Variants in NUP153 observed in about 807,000 individuals in gnomAD.
NUP153 encodes the protein nucleoporin 153.
In NUP153, 27 loss-of-function variants were observed where a neutral mutation model predicts 134.6. That is an observed-to-expected ratio of 0.20 (90% CI 0.15 to 0.28). The LOEUF (loss-of-function observed/expected upper bound fraction) is 0.28, where lower values mean the gene tolerates loss of function less well. NUP153 is among the 10% of genes least tolerant of loss of function. The probability of loss-of-function intolerance (pLI) is 1.00; values close to 1 mark genes in which losing one functional copy is unlikely to be tolerated. For synonymous variants in NUP153, 640 were observed against 623.5 expected, an observed-to-expected ratio of 1.03 and a Z score of -0.40; for missense variants, 1,821 against 1,731.3, an observed-to-expected ratio of 1.05 and a Z score of -0.92.
chr6:17,624,857 A>G, intron 19 of NUP153, 24 bp from the exon 20 acceptor site: 1 of 1,550,904 alleles, frequency 6.4e-7, no homozygotes, highest in Non-Finnish European at 8.7e-7. Flanking sequence ...GAAACACTTA[A>G]GTCACCATGG....
At chr6:17,668,465 A>C (rs985442451) in intron 8 of NUP153, among the ~76,000 whole-genome samples, 4 of 151,212 alleles carry the variant, frequency 2.6e-5, no homozygotes, top group East Asian at 1.9e-4. Context: ...TGAATAGCCC[A>C]AAAAAAAATT....
At chr6:17,647,029 T>C (rs1460987749) in intron 13 of NUP153, among the ~76,000 whole-genome samples, 2 of 151,736 alleles carry the variant, frequency 1.3e-5, no homozygotes, top group African/African-American at 4.8e-5. Context: ...AGTGCTGGGA[T>C]TACAGGCATG....
intron 2 of NUP153, among the ~76,000 whole-genome samples, chr6:17,682,925 G>GAA (rs58196936): frequency 0.37 from 45,223 of 123,188 alleles, 8,601 homozygotes; most frequent in South Asian, 0.63. Context: ...CAAAAAAGAA[G>GAA]AAAAAAAAAA....
intron 16 of NUP153, among the ~76,000 whole-genome samples, chr6:17,634,212 C>T (rs980489227): frequency 3.3e-5 from 5 of 152,136 alleles, no homozygotes; most frequent in African/African-American, 4.8e-5. Flanking sequence ...TCTGAAGCAA[C>T]CAGTGCCATG....
chr6:17,653,935 G>A (rs1766655425), intron 11 of NUP153, among the ~76,000 whole-genome samples: 1 of 152,068 alleles, frequency 6.6e-6, no homozygotes, highest in Non-Finnish European at 1.5e-5. Flanking sequence ...TCTACTTCAC[G>A]CTATGTATGC....
At chr6:17,669,393 T>G in intron 6 of NUP153, 37 bp downstream of exon 6, 3 of 1,595,700 alleles carry the variant, frequency 1.9e-6, no homozygotes, top group Non-Finnish European at 1.7e-6. Flanking sequence ...TCAAGTTTTG[T>G]TACACTCCTG....
At chr6:17,678,789 TAA>T (rs1236413118) in intron 2 of NUP153, among the ~76,000 whole-genome samples, 2 of 151,160 alleles carry the variant, frequency 1.3e-5, no homozygotes, top group African/African-American at 4.9e-5. Flanking sequence ...ACTAAAAATT[TAA>T]AAAGTCAGCT....
chr6:17,665,439 A>T, intron 8 of NUP153, 54 bp from the exon 9 acceptor site: 1 of 1,462,592 alleles, frequency 6.8e-7, no homozygotes, highest in Non-Finnish European at 9.4e-7. Flanking sequence ...TCAATGATTC[A>T]TATCTAAATT....
rs201282375 is a variant in NUP153 at position 17,632,708 on chromosome 6, G to C, written c.2601C>G (p.Asp867Glu). Residue 867 changes from aspartate to glutamate, a missense_variant, in exon 17 of 22, where the codon GAC (aspartate) becomes GAG (glutamate). By Grantham distance (45) the Asp-to-Glu change is conservative. Coordinates refer to ENST00000262077, the MANE Select transcript of NUP153 (RefSeq NM_005124.4). ...CELCLVQNKA[D>E]STKCLACESA... ...TTTCACATGCCAAACATTTGGTAGA[G>C]TCTGCCTTATTCTGCACTAGGCACA... The C allele has an allele frequency of 3.3e-5, 54 of 1,613,358 alleles. No homozygotes were observed. Among genetic ancestry groups the C allele is most frequent in the Non-Finnish European group, 1.7e-6 (2 of 1,179,848 alleles).
intron 15 of NUP153, among the ~76,000 whole-genome samples, chr6:17,639,709 T>G (rs992905605): frequency 6.6e-6 from 1 of 152,206 alleles, no homozygotes; most frequent in East Asian, 1.9e-4. Flanking sequence ...TAATGGAGAA[T>G]CCATTTCCTC....
At position 17,638,747 on chromosome 6, in the gene NUP153, C is replaced by G. The variant is rs1765688440; in HGVS notation, c.1847-977G>C. Among the ~76,000 whole-genome samples, 1 of 152,172 alleles carries G rather than the reference C, an allele frequency of 6.6e-6. No individual in the cohort carries two copies. Among genetic ancestry groups the G allele is most frequent in the African/African-American group, 2.4e-5 (1 of 41,440 alleles). On this transcript the variant is annotated intron_variant, in intron 15 of 21. Coordinates refer to ENST00000262077, the MANE Select transcript of NUP153 (RefSeq NM_005124.4). This position sits in a 1 kb window ranked among gnomAD's most constrained non-coding sequence, Gnocchi z 4.0. ...CAGGGGGAGGTTGGCATCATGAATG[C>G]AAAGTGTAACCCCAGATACACAAGA...
rs372772287 is a variant in NUP153 at position 17,616,691 on chromosome 6, C to T, written c.4179G>A (p.Ser1393=). 43 of 1,611,030 alleles carry T rather than the reference C, an allele frequency of 2.7e-5. No individual in the cohort carries two copies. Among genetic ancestry groups the T allele is most frequent in the East Asian group, 6.7e-5 (3 of 44,796 alleles). Residue 1393 remains serine, a synonymous_variant, in exon 21 of 22, where the codon TCG becomes TCA. Coordinates refer to ENST00000262077, the MANE Select transcript of NUP153 (RefSeq NM_005124.4). ...TAGTGCTGCTGCCAAACTGGAAAGC[C>T]GAACCTGCAATAGTTAAAGCAGAAA... The part of the protein sequence containing the change: ...FGSGTTPNSS[S]AFQFGSSTTN...
At position 17,625,744 on chromosome 6, in the gene NUP153, G is replaced by A; in HGVS notation, c.3901+64C>T. 1 of 1,245,808 alleles carries A rather than the reference G, an allele frequency of 8.0e-7. No homozygotes were observed. Among genetic ancestry groups the A allele is most frequent in the Non-Finnish European group, 1.2e-6 (1 of 860,052 alleles). The allele number at this position is 1,245,808 out of a possible 1,614,324, so 77.2% of individuals were successfully genotyped here. ...TAACCTGCTATATGATATTCGCTAAGAACTGACACACTAATAAGTAAAGTC... is the reference window on the plus strand; with the variant it reads ...TAACCTGCTATATGATATTCGCTAAAAACTGACACACTAATAAGTAAAGTC... On this transcript the variant is annotated intron_variant, in intron 19 of 21. Coordinates refer to ENST00000262077, the MANE Select transcript of NUP153 (RefSeq NM_005124.4). The surrounding 1 kb of genome is among the most constrained non-coding windows in gnomAD (Gnocchi z 4.7).
intron 1 of NUP153, among the ~76,000 whole-genome samples, chr6:17,698,846 C>G (rs1176972699): frequency 6.6e-6 from 1 of 151,010 alleles, no homozygotes; most frequent in Non-Finnish European, 1.5e-5. Flanking sequence ...GCACTCCAGC[C>G]TGGGCAACAG....
rs957303361 is a variant in NUP153 at position 17,706,072 on chromosome 6, C to A, written c.111+205G>T. The stretch of plus-strand genomic sequence containing the variant: ...GAGTTGGGGGAAAGGCGGCCCAAAC[C>A]ACACGTGTGCGCCGCAAGGCTGGGC... On this transcript the variant is annotated intron_variant, in intron 1 of 21. Coordinates refer to ENST00000262077, the MANE Select transcript of NUP153 (RefSeq NM_005124.4). This position sits in a 1 kb window ranked among gnomAD's most constrained non-coding sequence, Gnocchi z 5.9. Among the ~76,000 whole-genome samples, 1 of 152,212 alleles carries A rather than the reference C, an allele frequency of 6.6e-6. No individual in the cohort carries two copies. Among genetic ancestry groups the A allele is most frequent in the Non-Finnish European group, 1.5e-5 (1 of 68,032 alleles).
chr6:17,648,635 TA>T (rs199524934), intron 12 of NUP153, among the ~76,000 whole-genome samples: 3 of 151,394 alleles, frequency 2.0e-5, no homozygotes, highest in South Asian at 2.1e-4. Flanking sequence ...AATAAATATT[TA>T]AAAAAAAATT....
intron 2 of NUP153, among the ~76,000 whole-genome samples, chr6:17,679,935 AC>A (rs1768476260): frequency 6.6e-6 from 1 of 152,206 alleles, no homozygotes; most frequent in Admixed American, 6.5e-5. Context: ...CATTGTTGCC[AC>A]CGGCCAGACC....
At chr6:17,670,089 CTT>C (rs1417178355) in intron 5 of NUP153, among the ~76,000 whole-genome samples, 3 of 91,514 alleles carry the variant, frequency 3.3e-5, no homozygotes, top group Non-Finnish European at 6.3e-5. Context: ...GAGCGAGACT[CTT>C]TCTCAAAAAA....
chr6:17,669,686 G>A, intron 5 of NUP153, 140 bp from the exon 6 acceptor site: 1 of 631,026 alleles, frequency 1.6e-6, no homozygotes, highest in Non-Finnish European at 2.8e-6. Context: ...ATCTTTGGGT[G>A]GTATCATTAA....
Sources: gnomAD v4.1 joint callset for allele counts (sites outside exome capture counted in the v4.1 genomes callset) on GRCh38, gnomAD v4.1.1 for gene constraint, Gnocchi (gnomAD v3.1) non-coding constraint, MANE v1.5 for transcripts, NCBI Gene and HGNC (gene_info 2026-07-23, HGNC 2026-07-21) for gene names.